The following TM6SF1 variants were observed in gnomAD, a reference collection of about 807,000 sequenced individuals.
TM6SF1 encodes transmembrane 6 superfamily member 1.
In TM6SF1, 43 loss-of-function variants were observed where a neutral mutation model predicts 47.1. The ratio of observed to expected loss-of-function variants is 0.91; its 90% CI spans 0.72 to 1.18. TM6SF1 has a LOEUF of 1.18. Ranked by LOEUF, TM6SF1 falls within the 50% of genes most tolerant of loss-of-function variation. The pLI, the probability that TM6SF1 is intolerant of heterozygous loss-of-function variation, is 0.00. For missense variants in TM6SF1, 390 were observed against 449.0 expected (o/e 0.87, Z 1.19); for synonymous variants, 177 against 166.3 (o/e 1.06, Z -0.49).
At chr15:83,120,168 T>G (rs946875022) in intron 4 of TM6SF1, 2 of 161,694 alleles carry the variant, frequency 1.2e-5, no homozygotes, top group Non-Finnish European at 2.7e-5. Context: ...GTACAAGGGA[T>G]TAAAGGAACA....
rs143856090 is a variant in TM6SF1 at position 83,111,500 on chromosome 15, CATCT to C, written c.93-1293_93-1290del. On this transcript the variant is annotated intron_variant, in intron 1 of 9. Transcript: ENST00000322019. ...TCCAACCATTCACCCATCATCCATC[CATCT>C]ATCCATCCACTCATCGTCTATTTGT... 9.1e-3 allele frequency: 3,388 copies of C among 373,966 alleles called. 110 individuals carry two copies. Among genetic ancestry groups the C allele is most frequent in the African/African-American group, 0.07 (3,178 of 45,702 alleles). 23.2% of individuals were successfully genotyped at this position (373,966 alleles called of 1,614,324 possible). A position where few individuals can be genotyped will look rare whatever the true frequency, so the allele number is the denominator to read the frequency against.
In TM6SF1 at chr15:83,126,323, C is replaced by T. The variant is rs189743850; in HGVS notation, c.709-432C>T. Reference sequence around the variant, plus strand: ...TTTTACTGCCTCCAAAGGCCATATACGCTATGATGCACTGGAGACAGGAAG... The same window carrying T: ...TTTTACTGCCTCCAAAGGCCATATATGCTATGATGCACTGGAGACAGGAAG... On this transcript the variant is annotated intron_variant, in intron 7 of 9. Coordinates refer to ENST00000322019, the MANE Select transcript of TM6SF1 (RefSeq NM_023003.5). 2.8e-3 allele frequency among the ~76,000 whole-genome samples: 431 copies of T among 152,256 alleles called. 2 individuals are homozygous for T. Among genetic ancestry groups the T allele is most frequent in the Non-Finnish European group, 5.5e-3 (377 of 68,012 alleles).
At chr15:83,111,245 A>G (rs1444381566) in intron 1 of TM6SF1, among the ~76,000 whole-genome samples, 1 of 151,836 alleles carries the variant, frequency 6.6e-6, no homozygotes, top group African/African-American at 2.4e-5. Flanking sequence ...TACTCCATCC[A>G]TCCACTCATC....
chr15:83,109,913 C>G (rs1418047776), intron 1 of TM6SF1, among the ~76,000 whole-genome samples: 1 of 152,222 alleles, frequency 6.6e-6, no homozygotes, highest in Non-Finnish European at 1.5e-5. Flanking sequence ...CTACCTTCTG[C>G]AGACCCTCCC....
intron 9 of TM6SF1, chr15:83,128,707 C>G (rs1380817554): frequency 6.6e-6 from 1 of 152,208 alleles, no homozygotes; most frequent in East Asian, 1.9e-4. Flanking sequence ...ATCCTCCCCA[C>G]AACCTCTCTT....
chr15:83,120,270 G>A (rs921140991), intron 4 of TM6SF1, among the ~76,000 whole-genome samples: 10 of 152,232 alleles, frequency 6.6e-5, no homozygotes, highest in African/African-American at 2.2e-4. Flanking sequence ...ACACATGTGA[G>A]TTCTTTAGAG....
intron 7 of TM6SF1, among the ~76,000 whole-genome samples, chr15:83,125,589 G>T (rs1007415172): frequency 6.6e-6 from 1 of 152,188 alleles, no homozygotes; most frequent in African/African-American, 2.4e-5. Flanking sequence ...ATTGATCAGT[G>T]ATCCTTCACA....
intron 9 of TM6SF1, chr15:83,134,677 GTATGGT>G (rs1192505988): frequency 6.6e-6 from 1 of 152,232 alleles, no homozygotes; most frequent in African/African-American, 2.4e-5. Flanking sequence ...TTCTCTCAAA[GTATGGT>G]TGGCATTTCC....
intron 9 of TM6SF1, chr15:83,135,825 T>C (rs1208406460): frequency 6.6e-6 from 1 of 152,218 alleles, no homozygotes; most frequent in Admixed American, 6.5e-5. Flanking sequence ...ACCGTACTCC[T>C]ACCTCCACCC....
chr15:83,132,343 T>C (rs1596528932), intron 9 of TM6SF1: 2 of 152,232 alleles, frequency 1.3e-5, no homozygotes, highest in East Asian at 1.9e-4. Context: ...ACAAAGAAAC[T>C]GGGTGAAAGC....
At chr15:83,122,599 T>A (rs1429681357) in intron 5 of TM6SF1, among the ~76,000 whole-genome samples, 158 bp from the exon 6 acceptor site, 8 of 152,090 alleles carry the variant, frequency 5.3e-5, no homozygotes, top group Non-Finnish European at 1.2e-4. Flanking sequence ...TTAATACACA[T>A]CTAGTATTTT....
intron 4 of TM6SF1, 122 bp from the exon 5 acceptor site, chr15:83,121,799 C>T: frequency 1.4e-6 from 1 of 722,770 alleles, no homozygotes; most frequent in Admixed American, 2.9e-5. Context: ...CCTCTCAATT[C>T]AATATGTTTT....
At chr15:83,111,765 G>A (rs2034206167) in intron 1 of TM6SF1, 1 of 835,726 alleles carries the variant, frequency 1.2e-6, no homozygotes, top group Non-Finnish European at 1.4e-6. Flanking sequence ...GAGAGGGAGA[G>A]TATTGCTGTT....
chr15:83,120,551 C>G (rs910720271), intron 4 of TM6SF1, among the ~76,000 whole-genome samples: 26 of 151,688 alleles, frequency 1.7e-4, no homozygotes, highest in Non-Finnish European at 1.3e-4. Context: ...ATCTCCCTCA[C>G]TCCCAACATG....
intron 1 of TM6SF1, among the ~76,000 whole-genome samples, chr15:83,109,255 G>T (rs2033933050): frequency 6.6e-6 from 1 of 152,180 alleles, no homozygotes; most frequent in African/African-American, 2.4e-5. Context: ...AGCCTGTCGG[G>T]CAGGAAAATG....
chr15:83,110,499 G>A (rs777291631), intron 1 of TM6SF1, among the ~76,000 whole-genome samples: 2 of 152,146 alleles, frequency 1.3e-5, no homozygotes. Flanking sequence ...AAGAGCATGA[G>A]AGGACGCTGT....
rs2033819383 is a variant in TM6SF1 at position 83,107,988 on chromosome 15, G to A, written c.92+216G>A. ...AGCCGGGCCCTGAGGTGCCCAGGCT[G>A]GCGCATTTCGGGATGTTGGTGCCAG... On this transcript the variant is annotated intron_variant, in intron 1 of 9. Coordinates refer to ENST00000322019, the MANE Select transcript of TM6SF1 (RefSeq NM_023003.5). This position sits in a 1 kb window ranked among gnomAD's most constrained non-coding sequence, Gnocchi z 5.6. 2 of 988,080 alleles carry A rather than the reference G, an allele frequency of 2.0e-6. No individual in the cohort carries two copies. The highest frequency in any genetic ancestry group is 5.7e-5 in the South Asian group (2 of 35,136). 61.2% of individuals were successfully genotyped at this position (988,080 alleles called of 1,614,324 possible).
In TM6SF1 at chr15:83,127,346, T is replaced by C. The variant is rs1410572715; in HGVS notation, c.802-12T>C. On this transcript the variant is annotated splice_polypyrimidine_tract_variant and intron_variant, in intron 8 of 9. Coordinates refer to ENST00000322019, the MANE Select transcript of TM6SF1 (RefSeq NM_023003.5). The stretch of plus-strand genomic sequence containing the variant: ...CAATTTGCTGATGATGTTATTTCTC[T>C]GTTCAATACAGATGCTGGCATATAT... 1 of 1,579,158 alleles carries C rather than the reference T, an allele frequency of 6.3e-7. No homozygotes were observed. The highest frequency in any genetic ancestry group is 1.4e-5 in the African/African-American group (1 of 73,532).
chr15:83,127,302 G>C (rs1315249029), intron 8 of TM6SF1, 56 bp from the exon 9 acceptor site: 1 of 1,482,634 alleles, frequency 6.7e-7, no homozygotes, highest in African/African-American at 1.5e-5. Flanking sequence ...GTACTTTTTA[G>C]TCAGGCCAAG....
Sources: allele counts gnomAD v4.1 joint callset (sites outside exome capture counted in the v4.1 genomes callset), GRCh38; gene constraint gnomAD v4.1.1; non-coding constraint Gnocchi (gnomAD v3.1); transcripts MANE v1.5; gene names NCBI Gene and HGNC (gene_info 2026-07-23, HGNC 2026-07-21).